The following SNTB1 variants were observed in gnomAD, a reference collection of about 807,000 sequenced individuals.
SNTB1 encodes the protein beta-1-syntrophin.
Under a neutral mutation model 48.9 loss-of-function variants are expected in SNTB1, and 36 were observed. The observed-to-expected ratio is 0.74, with a 90% confidence interval of 0.56 to 0.97. The LOEUF (loss-of-function observed/expected upper bound fraction) is 0.97. Ranked by LOEUF, SNTB1 falls within the 50% of genes least tolerant of loss-of-function variation. SNTB1 has a pLI of 0.00. For missense variants in SNTB1, 786 were observed against 703.4 expected (o/e 1.12, Z -1.33); for synonymous variants, 299 against 294.6 (o/e 1.01, Z -0.15).
intron 2 of SNTB1, chr8:120,637,256 C>G (rs1817097344): frequency 2.9e-6 from 1 of 346,260 alleles, no homozygotes; most frequent in Non-Finnish European, 5.7e-6. Flanking sequence ...GGGAAAAAGT[C>G]TGCTGCTGAC....
Position 120,548,949 on chromosome 8 carries a change from A to G in SNTB1, c.1146T>C (p.His382=), listed in dbSNP as rs774814006. The stretch of plus-strand genomic sequence containing the variant: ...GGGGTGATCCCTTTCCTGGACCTGA[A>G]TGGACCAGCCTGGAGAGAGAGAGAG... ...TYPLLATRLV[H]SGPGKGSPQA... The change falls in exon 5 of 7, where the codon CAT becomes CAC. Residue 382 remains histidine (H), a synonymous_variant. Coordinates refer to ENST00000517992, the MANE Select transcript of SNTB1 (RefSeq NM_021021.4). The G allele has an allele frequency of 3.2e-6, 5 of 1,584,844 alleles. No individual in the cohort carries two copies. Among genetic ancestry groups the G allele is most frequent in the South Asian group, 2.3e-5 (2 of 85,184 alleles).
At chr8:120,568,209 C>T (rs1815784361) in intron 4 of SNTB1, among the ~76,000 whole-genome samples, 1 of 152,204 alleles carries the variant, frequency 6.6e-6, no homozygotes, top group African/African-American at 2.4e-5. Flanking sequence ...CAGCTTCCCA[C>T]CTCAGAGAGC....
intron 1 of SNTB1, among the ~76,000 whole-genome samples, chr8:120,762,408 C>T (rs1360945615): frequency 6.6e-6 from 1 of 152,276 alleles, no homozygotes; most frequent in Admixed American, 6.5e-5. Flanking sequence ...TTCCTTTATC[C>T]TCTAATCAGA....
At chr8:120,728,355 A>G (rs1415029763) in intron 1 of SNTB1, among the ~76,000 whole-genome samples, 1 of 152,116 alleles carries the variant, frequency 6.6e-6, no homozygotes, top group East Asian at 1.9e-4. Context: ...TTTGTTTTAT[A>G]TTCAGGGGGT....
At chr8:120,696,614 T>C (rs1818214639) in intron 1 of SNTB1, among the ~76,000 whole-genome samples, 1 of 152,196 alleles carries the variant, frequency 6.6e-6, no homozygotes, top group African/African-American at 2.4e-5. Context: ...CCACGAGTTA[T>C]ACAAGAAAAA....
At chr8:120,589,097 G>A (rs1230505481) in intron 3 of SNTB1, among the ~76,000 whole-genome samples, 1 of 152,096 alleles carries the variant, frequency 6.6e-6, no homozygotes, top group Admixed American at 6.6e-5. Flanking sequence ...CTGGTATCCA[G>A]GAATTGAGAC....
intron 1 of SNTB1, among the ~76,000 whole-genome samples, chr8:120,760,341 A>G (rs529043071): frequency 1.3e-5 from 2 of 151,522 alleles, no homozygotes; most frequent in Admixed American, 6.6e-5. Flanking sequence ...TCTTAGGTCT[A>G]TCAGAGAAGT....
chr8:120,587,703 C>T (rs530783984), intron 3 of SNTB1, among the ~76,000 whole-genome samples: 5 of 152,230 alleles, frequency 3.3e-5, no homozygotes, highest in Admixed American at 6.5e-5. Context: ...TGCTCTCTCA[C>T]GGACCTTCTT....
At chr8:120,601,161 C>T (rs901018402) in intron 3 of SNTB1, among the ~76,000 whole-genome samples, 47 of 151,776 alleles carry the variant, frequency 3.1e-4, no homozygotes, top group Non-Finnish European at 1.3e-4. Flanking sequence ...TTTCACTCTG[C>T]GGAATAATCC....
intron 1 of SNTB1, among the ~76,000 whole-genome samples, chr8:120,739,580 A>G (rs1819009432): frequency 2.0e-5 from 3 of 152,216 alleles, no homozygotes; most frequent in Non-Finnish European, 4.4e-5. Context: ...CTGTCATTTA[A>G]TGGTAGATGG....
intron 1 of SNTB1, among the ~76,000 whole-genome samples, chr8:120,715,140 C>T (rs1400862329): frequency 6.6e-6 from 1 of 152,226 alleles, no homozygotes; most frequent in East Asian, 1.9e-4. Context: ...TCTACATGCA[C>T]AGCTCCATTT....
At chr8:120,772,240 A>AT (rs5894533) in intron 1 of SNTB1, among the ~76,000 whole-genome samples, 68,556 of 146,932 alleles carry the variant, frequency 0.47, 18,911 homozygotes, top group African/African-American at 0.78. Context: ...GGGTCACACA[A>AT]TTTTTTCTTC....
At chr8:120,738,855 T>C (rs1164243242) in intron 1 of SNTB1, among the ~76,000 whole-genome samples, 1 of 152,226 alleles carries the variant, frequency 6.6e-6, no homozygotes, top group Admixed American at 6.5e-5. Flanking sequence ...TTTTTCACCA[T>C]ACACATGGCA....
At chr8:120,778,616 G>A (rs564489141) in intron 1 of SNTB1, among the ~76,000 whole-genome samples, 1 of 152,206 alleles carries the variant, frequency 6.6e-6, no homozygotes, top group Non-Finnish European at 1.5e-5. Context: ...AAAGAAATTA[G>A]TGGTGGTGGG....
intron 1 of SNTB1, among the ~76,000 whole-genome samples, chr8:120,793,120 G>A (rs772400358): frequency 1.3e-5 from 2 of 151,688 alleles, no homozygotes; most frequent in African/African-American, 2.4e-5. Flanking sequence ...AGATGCAACT[G>A]GGATGGAATG....
rs1168721281 is a variant in SNTB1 at position 120,574,982 on chromosome 8, C to T, written c.1136+104G>A. On this transcript the variant is annotated intron_variant, in intron 4 of 6. Transcript: ENST00000517992. ...CTATATTCTTAAGGAGCTCTCAGCCCCTGCTGCAATAGTGAGCAGTAATAT... is the reference window on the plus strand; with the variant it reads ...CTATATTCTTAAGGAGCTCTCAGCCTCTGCTGCAATAGTGAGCAGTAATAT... 6 of 1,419,116 alleles carry T rather than the reference C, an allele frequency of 4.2e-6. No individual in the cohort carries two copies. The Admixed American group carries it at 9.4e-5, about 22-fold the overall frequency. 87.9% of individuals were successfully genotyped at this position (1,419,116 alleles called of 1,614,324 possible).
intron 1 of SNTB1, among the ~76,000 whole-genome samples, chr8:120,808,513 G>A (rs991582373): frequency 3.9e-5 from 6 of 152,290 alleles, no homozygotes; most frequent in Admixed American, 6.5e-5. Flanking sequence ...CCTTGAGAAG[G>A]GATAGTTTCA....
At chr8:120,626,544 T>G (rs1250674278) in intron 3 of SNTB1, among the ~76,000 whole-genome samples, 3 of 152,184 alleles carry the variant, frequency 2.0e-5, no homozygotes, top group African/African-American at 7.2e-5. Flanking sequence ...ATTAGAAGAA[T>G]TGAGGATTAA....
intron 4 of SNTB1, among the ~76,000 whole-genome samples, chr8:120,564,678 C>T (rs759223210): frequency 1.2e-4 from 17 of 142,204 alleles, no homozygotes; most frequent in Non-Finnish European, 2.1e-4. Flanking sequence ...AGGTGATTCT[C>T]CTGCCTCAGC....
Sources: gnomAD v4.1 joint callset for allele counts (sites outside exome capture counted in the v4.1 genomes callset) on GRCh38, gnomAD v4.1.1 for gene constraint, MANE v1.5 for transcripts, NCBI Gene and HGNC (gene_info 2026-07-23, HGNC 2026-07-21) for gene names.